The following PDE4D variants were observed in gnomAD, a reference collection of about 807,000 sequenced individuals.
PDE4D encodes 3',5'-cyclic-AMP phosphodiesterase 4D.
In PDE4D, 24 loss-of-function variants were observed where a neutral mutation model predicts 87.4. The observed-to-expected ratio is 0.27, with a 90% CI of 0.20 to 0.39. PDE4D has a LOEUF of 0.39. Among genes scored for constraint, PDE4D ranks in the 10% least tolerant of loss-of-function variants. The pLI is 1.00. For missense variants in PDE4D, 714 were observed against 1,041.0 expected, an observed-to-expected ratio of 0.69 and a Z score of 4.32; for synonymous variants, 384 against 383.2, an observed-to-expected ratio of 1.00 and a Z score of -0.02.
intron 6 of PDE4D, among the ~76,000 whole-genome samples, chr5:59,026,242 C>G (rs935571577): frequency 2.0e-5 from 3 of 152,108 alleles, no homozygotes; most frequent in Non-Finnish European, 4.4e-5. Context: ...TGAGATTGAT[C>G]TAGCATATAC....
intron 1 of PDE4D, among the ~76,000 whole-genome samples, chr5:59,423,626 C>T (rs1794783278): frequency 6.6e-6 from 1 of 152,052 alleles, no homozygotes; most frequent in South Asian, 2.1e-4. Flanking sequence ...TATGAAAGGT[C>T]TTCTAGGAAA....
At chr5:59,082,223 T>C (rs977803210) in intron 5 of PDE4D, among the ~76,000 whole-genome samples, 1 of 152,162 alleles carries the variant, frequency 6.6e-6, no homozygotes, top group East Asian at 1.9e-4. Context: ...ACAATAAGAA[T>C]AGAATAGTTC....
At chr5:59,195,928 C>T (rs1745363167) in intron 2 of PDE4D, among the ~76,000 whole-genome samples, 1 of 151,992 alleles carries the variant, frequency 6.6e-6, no homozygotes, top group South Asian at 2.1e-4. Flanking sequence ...GACCCTGTGA[C>T]AGGTCTATAA....
intron 2 of PDE4D, among the ~76,000 whole-genome samples, chr5:59,206,923 C>G (rs979672078): frequency 9.9e-5 from 15 of 152,262 alleles, no homozygotes; most frequent in African/African-American, 3.4e-4. Flanking sequence ...TGGCTCTTGC[C>G]TGTAATTTCA....
intron 1 of PDE4D, among the ~76,000 whole-genome samples, chr5:60,452,840 G>A (rs1259241627): frequency 3.3e-5 from 5 of 152,050 alleles, no homozygotes; most frequent in Non-Finnish European, 7.4e-5. Context: ...GCATCTTCAT[G>A]TTTTCATTCA....
At chr5:59,153,584 C>T (rs1561579609) in intron 5 of PDE4D, among the ~76,000 whole-genome samples, 2 of 152,122 alleles carry the variant, frequency 1.3e-5, no homozygotes. Context: ...TCTTATATTG[C>T]ACCCAAGAAT....
chr5:59,705,481 T>C (rs969904342), intron 1 of PDE4D, among the ~76,000 whole-genome samples: 6 of 152,132 alleles, frequency 3.9e-5, no homozygotes, highest in African/African-American at 1.2e-4. Flanking sequence ...TCATGGACCA[T>C]TGAAGGCTGT....
chr5:59,258,292 G>GACAT (rs968425971), intron 1 of PDE4D, among the ~76,000 whole-genome samples: 4 of 151,588 alleles, frequency 2.6e-5, no homozygotes, highest in Non-Finnish European at 5.9e-5. Context: ...CCCATACACA[G>GACAT]ACATACACAA....
intron 2 of PDE4D, among the ~76,000 whole-genome samples, chr5:60,091,167 A>G (rs1248051508): frequency 6.6e-6 from 1 of 152,230 alleles, no homozygotes. Flanking sequence ...ACATCAAGCT[A>G]AAAAGCTTCA....
intron 1 of PDE4D, among the ~76,000 whole-genome samples, chr5:60,244,571 A>G (rs918608390): frequency 2.6e-5 from 4 of 152,082 alleles, no homozygotes; most frequent in Non-Finnish European, 5.9e-5. Flanking sequence ...TATAGTAACA[A>G]AAACAGCATG....
intron 3 of PDE4D, among the ~76,000 whole-genome samples, chr5:59,927,790 A>G (rs568116023): frequency 6.6e-6 from 1 of 152,354 alleles, no homozygotes; most frequent in South Asian, 2.1e-4. Flanking sequence ...ATGGATGGTA[A>G]TATTCTACAT....
intron 1 of PDE4D, among the ~76,000 whole-genome samples, chr5:59,282,749 T>G (rs376785901): frequency 6.6e-5 from 10 of 151,032 alleles, no homozygotes; most frequent in African/African-American, 2.4e-4. Context: ...TAATGGGAAA[T>G]GTTGAAAATT....
At chr5:59,090,779 T>C (rs1768562662) in intron 5 of PDE4D, among the ~76,000 whole-genome samples, 1 of 149,930 alleles carries the variant, frequency 6.7e-6, no homozygotes, top group African/African-American at 2.4e-5. Context: ...CCAAGTATTA[T>C]CAGTAGCCAT....
intron 1 of PDE4D, among the ~76,000 whole-genome samples, chr5:59,691,629 T>TAGATATACGTAATGTATACG (rs1159391716): frequency 1.3e-5 from 2 of 151,378 alleles, no homozygotes; most frequent in African/African-American, 4.9e-5. Context: ...AAATGACAAG[T>TAGATATACGTAATGTATACG]TAACGGGTGC....
intron 1 of PDE4D, chr5:59,276,055 C>G: frequency 1.5e-5 from 15 of 977,624 alleles, no homozygotes; most frequent in Non-Finnish European, 1.8e-5. Context: ...CAGGCAGAAA[C>G]TATTCCTCAA....
chr5:60,121,104 A>G (rs1778635294), intron 2 of PDE4D, among the ~76,000 whole-genome samples: 1 of 151,960 alleles, frequency 6.6e-6, no homozygotes, highest in African/African-American at 2.4e-5. Context: ...GGGACTCGGA[A>G]TGGCTCTCCT....
At chr5:60,130,503 C>G (rs1232629873) in intron 2 of PDE4D, among the ~76,000 whole-genome samples, 1 of 152,126 alleles carries the variant, frequency 6.6e-6, no homozygotes, top group Admixed American at 6.6e-5. Context: ...TAAGACAGGG[C>G]TATGTCTATA....
chr5:60,117,449 CATA>C (rs1195163308), intron 2 of PDE4D, among the ~76,000 whole-genome samples: 1 of 152,064 alleles, frequency 6.6e-6, no homozygotes, highest in African/African-American at 2.4e-5. Context: ...ACCTCAAAAA[CATA>C]ATGCCAACAT....
At chr5:60,102,112 C>A (rs1439204842) in intron 2 of PDE4D, among the ~76,000 whole-genome samples, 3 of 152,076 alleles carry the variant, frequency 2.0e-5, no homozygotes, top group Non-Finnish European at 4.4e-5. Flanking sequence ...TTTTTAGAAT[C>A]ACAATGCAGT....
Sources: gnomAD v4.1 joint callset for allele counts (sites outside exome capture counted in the v4.1 genomes callset) on GRCh38, gnomAD v4.1.1 for gene constraint, MANE v1.5 for transcripts, NCBI Gene and HGNC (gene_info 2026-07-23, HGNC 2026-07-21) for gene names.